The following GPC6 variants were observed in gnomAD, a reference collection of about 807,000 sequenced individuals.
GPC6 encodes glypican 6.
In GPC6, 14 loss-of-function variants were observed where a neutral mutation model predicts 55.2. The observed-to-expected ratio is 0.25, with a 90% CI of 0.17 to 0.40. The LOEUF is 0.40. Among genes scored for constraint, GPC6 ranks in the 10% least tolerant of loss-of-function variants. The pLI is 1.00. For synonymous variants in GPC6, 278 were observed against 259.6 expected, an observed-to-expected ratio of 1.07 and a Z score of -0.68; for missense variants, 641 against 708.5, an observed-to-expected ratio of 0.90 and a Z score of 1.08.
intron 2 of GPC6, among the ~76,000 whole-genome samples, chr13:93,806,686 C>A (rs562393982): frequency 4.6e-5 from 7 of 152,202 alleles, no homozygotes; most frequent in African/African-American, 1.4e-4. Flanking sequence ...CTAGGTTTTG[C>A]TTAAATTCCT....
intron 4 of GPC6, among the ~76,000 whole-genome samples, chr13:94,093,540 G>A (rs561529672): frequency 1.3e-5 from 2 of 152,104 alleles, no homozygotes; most frequent in Admixed American, 1.3e-4. Context: ...GTAGTGTAAT[G>A]CCTCCAGCTT....
chr13:94,293,897 A>C (rs1875155675), intron 5 of GPC6, among the ~76,000 whole-genome samples: 1 of 152,194 alleles, frequency 6.6e-6, no homozygotes, highest in Admixed American at 6.5e-5. Flanking sequence ...CAGCCATTTA[A>C]GGGAGGACTG....
intron 5 of GPC6, among the ~76,000 whole-genome samples, chr13:94,291,271 G>A (rs1054468843): frequency 4.6e-5 from 7 of 152,160 alleles, no homozygotes; most frequent in Non-Finnish European, 8.8e-5. Context: ...GAGGACACAG[G>A]ACCAAGGGTC....
intron 1 of GPC6, among the ~76,000 whole-genome samples, chr13:93,274,267 T>A (rs1019588755): frequency 1.3e-5 from 2 of 152,210 alleles, no homozygotes; most frequent in Non-Finnish European, 2.9e-5. Flanking sequence ...ATGGAGTCCC[T>A]AAGGTATTCA....
At chr13:93,884,404 A>G (rs1875198004) in intron 3 of GPC6, among the ~76,000 whole-genome samples, 1 of 152,024 alleles carries the variant, frequency 6.6e-6, no homozygotes, top group Admixed American at 6.6e-5. Context: ...CAAATCATAG[A>G]TATTTGTTCT....
chr13:94,004,148 T>C (rs767173831), intron 3 of GPC6, among the ~76,000 whole-genome samples: 1 of 152,190 alleles, frequency 6.6e-6, no homozygotes, highest in Non-Finnish European at 1.5e-5. Flanking sequence ...TGTTGTTAGA[T>C]TGAACCCTGA....
chr13:93,956,998 G>A (rs1189043985), intron 3 of GPC6, among the ~76,000 whole-genome samples: 1 of 152,070 alleles, frequency 6.6e-6, no homozygotes, highest in Admixed American at 6.6e-5. Flanking sequence ...CTATTGATAT[G>A]GTATTCCCAA....
intron 1 of GPC6, among the ~76,000 whole-genome samples, chr13:93,354,354 T>TTTTTTTTTG (rs1555293309): frequency 0.095 from 13,103 of 138,646 alleles, 1,029 homozygotes; most frequent in East Asian, 0.39. Flanking sequence ...GGTAGATTTT[T>TTTTTTTTTG]TTTTTTTTTT....
intron 1 of GPC6, among the ~76,000 whole-genome samples, chr13:93,258,109 C>T (rs1877015837): frequency 6.6e-6 from 1 of 152,120 alleles, no homozygotes; most frequent in African/African-American, 2.4e-5. Context: ...TGAGAAATTC[C>T]CATCCTCTTG....
At chr13:93,273,954 C>T (rs540777008) in intron 1 of GPC6, among the ~76,000 whole-genome samples, 90 of 151,832 alleles carry the variant, frequency 5.9e-4, no homozygotes, top group Middle Eastern at 3.4e-3. Context: ...ATTACAGGCA[C>T]GTACCACCAT....
intron 2 of GPC6, among the ~76,000 whole-genome samples, chr13:93,745,588 G>A (rs1013775644): frequency 1.3e-5 from 2 of 152,158 alleles, no homozygotes; most frequent in African/African-American, 2.4e-5. Flanking sequence ...TGGTGCAAAA[G>A]TGGTACACAT....
At chr13:93,716,001 A>C (rs968824027) in intron 2 of GPC6, among the ~76,000 whole-genome samples, 2 of 151,634 alleles carry the variant, frequency 1.3e-5, no homozygotes, top group African/African-American at 4.8e-5. Flanking sequence ...TGGTACCATA[A>C]GATTATAAAA....
intron 4 of GPC6, among the ~76,000 whole-genome samples, chr13:94,205,227 A>G (rs117559524): frequency 0.011 from 1,664 of 152,280 alleles, 21 homozygotes; most frequent in Non-Finnish European, 0.016. Flanking sequence ...ACTGCTAATC[A>G]GATTCCAACA....
chr13:93,270,537 C>T (rs1877482882), intron 1 of GPC6, among the ~76,000 whole-genome samples: 3 of 152,032 alleles, frequency 2.0e-5, no homozygotes, highest in African/African-American at 7.2e-5. Context: ...TTCTCCTCTT[C>T]TCTGTAAATT....
intron 2 of GPC6, among the ~76,000 whole-genome samples, chr13:93,582,673 T>C (rs1876993223): frequency 6.6e-6 from 1 of 152,202 alleles, no homozygotes; most frequent in Non-Finnish European, 1.5e-5. Context: ...GGGGATGGAT[T>C]GAGAATGCTG....
chr13:94,031,939 G>GC (rs34567852), intron 4 of GPC6, among the ~76,000 whole-genome samples: 23,585 of 152,142 alleles, frequency 0.16, 2,093 homozygotes, highest in East Asian at 0.39. Flanking sequence ...GTGTGGGACA[G>GC]CTTCTGCAAA....
chr13:93,727,526 G>C (rs973730706), intron 2 of GPC6, among the ~76,000 whole-genome samples: 1 of 152,064 alleles, frequency 6.6e-6, no homozygotes, highest in African/African-American at 2.4e-5. Flanking sequence ...AACAGCCATA[G>C]TGATCTCTTA....
intron 1 of GPC6, among the ~76,000 whole-genome samples, chr13:93,246,332 G>A (rs1383049039): frequency 6.6e-6 from 1 of 152,080 alleles, no homozygotes; most frequent in Non-Finnish European, 1.5e-5. Flanking sequence ...CAAGCAATTG[G>A]CTTCCTCTCT....
intron 4 of GPC6, among the ~76,000 whole-genome samples, chr13:94,178,082 G>C (rs1205988988): frequency 6.8e-6 from 1 of 146,186 alleles, no homozygotes; most frequent in Non-Finnish European, 1.5e-5. Context: ...GCAGTGGTGC[G>C]ATCTCAACTC....
Sources: gnomAD v4.1 joint callset for allele counts (sites outside exome capture counted in the v4.1 genomes callset) on GRCh38, gnomAD v4.1.1 for gene constraint, MANE v1.5 for transcripts, NCBI Gene and HGNC (gene_info 2026-07-23, HGNC 2026-07-21) for gene names.